The following TMEM181 variants were observed in gnomAD, a reference collection of about 807,000 sequenced individuals.
TMEM181 encodes transmembrane protein 181, also known as G protein-coupled receptor 178.
In TMEM181, 39 loss-of-function variants were observed where a neutral mutation model predicts 71.9. That is an observed-to-expected ratio of 0.54 (90% CI 0.42 to 0.71). TMEM181 has a LOEUF of 0.71. Ranked by LOEUF, TMEM181 falls within the 30% of genes least tolerant of loss-of-function variation. The pLI, the probability that TMEM181 is intolerant of heterozygous loss-of-function variation, is 0.00. For missense variants in TMEM181, 595 were observed against 583.0 expected (o/e 1.02, Z -0.21); for synonymous variants, 245 against 228.8 (o/e 1.07, Z -0.64).
chr6:158,559,988 C>CA, upstream of TMEM181: 20 of 937,606 alleles, frequency 2.1e-5, no homozygotes, highest in Non-Finnish European at 2.5e-5. Flanking sequence ...GAAGGAGGGC[C>CA]ACCCCCCTCG....
chr6:158,547,194 G>T (rs538397260), intron 1 of TMEM181, among the ~76,000 whole-genome samples: 1 of 152,090 alleles, frequency 6.6e-6, no homozygotes, highest in East Asian at 1.9e-4. Context: ...AGGTGGGAGG[G>T]TTATCTGAGC....
intron 3 of TMEM181, among the ~76,000 whole-genome samples, chr6:158,583,051 G>A (rs1435369367): frequency 2.0e-5 from 3 of 151,916 alleles, no homozygotes; most frequent in Admixed American, 1.3e-4. Context: ...TGGCCAACAC[G>A]GTGAAACTCC....
intron 13 of TMEM181, 39 bp from the exon 14 acceptor site, chr6:158,628,369 C>G: frequency 6.3e-7 from 1 of 1,599,464 alleles, no homozygotes; most frequent in South Asian, 1.1e-5. Flanking sequence ...CGTTTTCGTG[C>G]ATGTTTACAT....
chr6:158,625,042 G>A (rs546441525), intron 11 of TMEM181, 62 bp from the exon 12 acceptor site: 570 of 1,284,130 alleles, frequency 4.4e-4, no homozygotes, highest in Non-Finnish European at 5.8e-4. Flanking sequence ...CTGTGGTGGT[G>A]CTGGGAGGAG....
intron 6 of TMEM181, 72 bp from the exon 7 acceptor site, chr6:158,605,195 A>T: frequency 9.2e-7 from 1 of 1,089,370 alleles, no homozygotes; most frequent in Non-Finnish European, 1.4e-6. Flanking sequence ...GATAACTATT[A>T]GTAATCTGGT....
intron 10 of TMEM181, among the ~76,000 whole-genome samples, chr6:158,613,716 T>C (rs1424448720): frequency 6.6e-6 from 1 of 152,266 alleles, no homozygotes; most frequent in African/African-American, 2.4e-5. Context: ...AATTGTGTTC[T>C]GTTACGCAAG....
chr6:158,554,898 G>A (rs1424356467), intron 1 of TMEM181, among the ~76,000 whole-genome samples: 3 of 152,178 alleles, frequency 2.0e-5, no homozygotes, highest in African/African-American at 4.8e-5. Flanking sequence ...TATTTGCCCC[G>A]ATAGGTAATC....
Position 158,629,820 on chromosome 6 carries a change from G to A in TMEM181, c.1282+1G>A, listed in dbSNP as rs748607349. The stretch of plus-strand genomic sequence containing the variant: ...TCTCCATCGAAGAATGCCCTCTATG[G>A]TAAGCCACCCTGGGGTCTGGACTGC... On this transcript the variant is annotated splice_donor_variant, in intron 15 of 16. Coordinates refer to ENST00000684151, the MANE Select transcript of TMEM181 (RefSeq NM_001376852.1). LOFTEE classifies it high-confidence loss of function. 5.6e-6 allele frequency: 9 copies of A among 1,613,316 alleles called. No homozygotes were observed. Among genetic ancestry groups the A allele is most frequent in the South Asian group, 1.1e-5 (1 of 91,058 alleles).
chr6:158,608,116 G>GAA (rs1785056519), intron 8 of TMEM181, among the ~76,000 whole-genome samples: 1 of 152,220 alleles, frequency 6.6e-6, no homozygotes, highest in African/African-American at 2.4e-5. Flanking sequence ...TGACCAGGGA[G>GAA]AAAAGCTGGT....
intron 5 of TMEM181, among the ~76,000 whole-genome samples, chr6:158,586,783 A>G (rs1337154308): frequency 6.6e-6 from 1 of 152,074 alleles, no homozygotes; most frequent in Non-Finnish European, 1.5e-5. Flanking sequence ...TCCAAAGTGT[A>G]TTTTCCCCAT....
upstream of TMEM181, among the ~76,000 whole-genome samples, chr6:158,558,968 T>A (rs1782007450): frequency 6.6e-6 from 1 of 152,204 alleles, no homozygotes; most frequent in Non-Finnish European, 1.5e-5. Flanking sequence ...TTCCCTCTGC[T>A]TATGTATGAA....
intron 13 of TMEM181, chr6:158,626,439 G>A: frequency 2.2e-6 from 1 of 456,704 alleles, no homozygotes; most frequent in Admixed American, 2.3e-5. Flanking sequence ...AGGTTGTTTG[G>A]ATGGCAAATA....
chr6:158,626,167 AGATGGGAGGC>A (rs1400748451), intron 13 of TMEM181, among the ~76,000 whole-genome samples: 2 of 151,966 alleles, frequency 1.3e-5, no homozygotes, highest in African/African-American at 4.8e-5. Context: ...CCATTGGGGG[AGATGGGAGGC>A]GAAGTGGGCT....
intron 8 of TMEM181, among the ~76,000 whole-genome samples, chr6:158,607,924 C>G (rs1264377105): frequency 8.5e-5 from 13 of 152,378 alleles, no homozygotes; most frequent in African/African-American, 3.1e-4. Context: ...GGCTGTTCCT[C>G]TTTTCCTGCT....
At chr6:158,554,282 C>T (rs1781808739) in intron 1 of TMEM181, among the ~76,000 whole-genome samples, 1 of 152,144 alleles carries the variant, frequency 6.6e-6, no homozygotes, top group African/African-American at 2.4e-5. Context: ...GACGAGGTTT[C>T]ACCATGTCGG....
chr6:158,623,569 C>T lies in TMEM181; in HGVS notation c.916C>T (p.Pro306Ser). ...TTTTAGAGTTAACGAATTACATGAT[C>T]CAATGTACCAGTATCGAGTTGATAC... ...IWQTVNELHDPMYQYRVDTGN... is the reference protein window; with the variant it reads ...IWQTVNELHDSMYQYRVDTGN... The change falls in exon 11 of 17, where the codon CCA becomes TCA. Residue 306 changes from proline to serine, a missense_variant. Coordinates refer to ENST00000684151, the MANE Select transcript of TMEM181 (RefSeq NM_001376852.1). 6.3e-7 allele frequency: 1 copy of T among 1,576,662 alleles called. No individual in the cohort carries two copies. The highest frequency in any genetic ancestry group is 8.6e-7 in the Non-Finnish European group (1 of 1,158,436).
chr6:158,542,278 A>G (rs981476882), intron 1 of TMEM181, among the ~76,000 whole-genome samples: 4 of 152,142 alleles, frequency 2.6e-5, no homozygotes, highest in Non-Finnish European at 1.5e-5. Flanking sequence ...GGGCATTTTT[A>G]TGTCTATAAT....
At chr6:158,593,367 A>C (rs896002027) in intron 6 of TMEM181, among the ~76,000 whole-genome samples, 3 of 152,252 alleles carry the variant, frequency 2.0e-5, no homozygotes, top group Admixed American at 2.0e-4. Context: ...TGGTGGGATT[A>C]ATGTTTAATT....
intron 10 of TMEM181, among the ~76,000 whole-genome samples, chr6:158,616,950 T>C (rs1281940849): frequency 6.6e-6 from 1 of 152,102 alleles, no homozygotes; most frequent in Admixed American, 6.6e-5. Flanking sequence ...AATTCTCTTT[T>C]GTTGTGTCTC....
Sources: gnomAD v4.1 joint callset for allele counts (sites outside exome capture counted in the v4.1 genomes callset) on GRCh38, gnomAD v4.1.1 for gene constraint, MANE v1.5 for transcripts, NCBI Gene and HGNC (gene_info 2026-07-23, HGNC 2026-07-21) for gene names.